The following IGBP1 variants were observed in gnomAD, a reference collection of about 807,000 sequenced individuals.
IGBP1 encodes the protein immunoglobulin binding protein 1.
In IGBP1, 2 loss-of-function variants were observed where a neutral mutation model predicts 25.9. That is an observed-to-expected ratio of 0.08 (90% CI 0.03 to 0.24). The LOEUF is 0.24. Ranked by LOEUF, IGBP1 falls within the 10% of genes least tolerant of loss-of-function variation. The probability of loss-of-function intolerance (pLI) is 1.00; values close to 1 mark genes in which losing one functional copy is unlikely to be tolerated. For synonymous variants in IGBP1, 96 were observed against 93.4 expected (o/e 1.03, Z -0.16); for missense variants, 187 against 260.4 (o/e 0.72, Z 1.94).
intron 3 of IGBP1, 49 bp downstream of exon 3, chrX:70,134,865 AG>A: frequency 8.9e-7 from 1 of 1,126,706 alleles, no homozygotes; most frequent in South Asian, 1.8e-5. Flanking sequence ...GGTGCTTTTC[AG>A]GGGCATGCTT....
intron 3 of IGBP1, among the ~76,000 whole-genome samples, chrX:70,139,311 CAAAA>C (rs775830617): frequency 5.1e-5 from 2 of 39,433 alleles, no homozygotes; most frequent in African/African-American, 2.0e-4. Context: ...GACTCCGTCT[CAAAA>C]AAAAAAAAAA....
At chrX:70,135,587 G>C (rs1380579193) in intron 3 of IGBP1, among the ~76,000 whole-genome samples, 1 of 111,919 alleles carries the variant, frequency 8.9e-6, no homozygotes, top group Non-Finnish European at 1.9e-5. Flanking sequence ...AGTTCTTTAA[G>C]GGTAAATAGG....
intron 6 of IGBP1, among the ~76,000 whole-genome samples, chrX:70,160,249 G>GA (rs764870804): frequency 7.1e-4 from 79 of 111,075 alleles, no homozygotes; most frequent in African/African-American, 2.3e-3. Flanking sequence ...CACTTGATAG[G>GA]AAAAATCACA....
At chrX:70,134,869 G>A in intron 3 of IGBP1, 53 bp downstream of exon 3, 1 of 1,118,995 alleles carries the variant, frequency 8.9e-7, no homozygotes, top group Non-Finnish European at 1.2e-6. Flanking sequence ...CTTTTCAGGG[G>A]CATGCTTTCT....
chrX:70,162,888 C>T (rs1172912897), intron 6 of IGBP1, among the ~76,000 whole-genome samples: 1 of 110,824 alleles, frequency 9.0e-6, no homozygotes, highest in African/African-American at 3.3e-5. Flanking sequence ...ACAGGAGAAT[C>T]GCTTGAGCCC....
At chrX:70,143,728 G>A (rs1470504393) in intron 3 of IGBP1, among the ~76,000 whole-genome samples, 1 of 108,402 alleles carries the variant, frequency 9.2e-6, no homozygotes, top group Non-Finnish European at 1.9e-5. Flanking sequence ...AATGCCTGGG[G>A]GTTGGGGGGG....
intron 6 of IGBP1, among the ~76,000 whole-genome samples, chrX:70,157,267 T>TGGGGG (rs1380946769): frequency 5.9e-5 from 1 of 16,880 alleles, no homozygotes; most frequent in African/African-American, 2.6e-4. Context: ...TTAACAAGGG[T>TGGGGG]GGGGGTGGGG....
At chrX:70,142,647 C>T (rs1327410374) in intron 3 of IGBP1, among the ~76,000 whole-genome samples, 1 of 109,166 alleles carries the variant, frequency 9.2e-6, no homozygotes, top group Non-Finnish European at 1.9e-5. Context: ...GTGAGACCCC[C>T]GTCTCTACAA....
intron 4 of IGBP1, among the ~76,000 whole-genome samples, chrX:70,148,428 T>G (rs1013060938): frequency 8.9e-6 from 1 of 112,175 alleles, no homozygotes; most frequent in Non-Finnish European, 1.9e-5. Context: ...GGCTTCAAGT[T>G]CAGCTCAAGG....
chrX:70,165,620 C>G (rs1341777980), intron 6 of IGBP1, among the ~76,000 whole-genome samples: 1 of 110,106 alleles, frequency 9.1e-6, no homozygotes, highest in Non-Finnish European at 1.9e-5. Flanking sequence ...CTTGTGGAAA[C>G]CACTTAGAGC....
chrX:70,143,549 A>T (rs1213059227), intron 3 of IGBP1, among the ~76,000 whole-genome samples: 2 of 112,125 alleles, frequency 1.8e-5, no homozygotes, highest in African/African-American at 6.5e-5. Context: ...TTGGGAACAG[A>T]GAAAGGAAAT....
At chrX:70,137,497 A>C (rs2085101964) in intron 3 of IGBP1, among the ~76,000 whole-genome samples, 1 of 110,731 alleles carries the variant, frequency 9.0e-6, no homozygotes, top group African/African-American at 3.3e-5. Context: ...GTGTTAGAGA[A>C]CCAGATGAAG....
chrX:70,148,296 G>T (rs906679539), intron 4 of IGBP1, among the ~76,000 whole-genome samples: 20 of 111,527 alleles, frequency 1.8e-4, no homozygotes, highest in African/African-American at 5.9e-4. Context: ...TTTCCTTTGG[G>T]AACATTGACT....
At chrX:70,163,550 A>T (rs2085281615) in intron 6 of IGBP1, among the ~76,000 whole-genome samples, 1 of 112,049 alleles carries the variant, frequency 8.9e-6, no homozygotes, top group Non-Finnish European at 1.9e-5. Flanking sequence ...AAAAGTTAAA[A>T]TTAAGGGTAT....
chrX:70,142,883 A>G (rs973772319), intron 3 of IGBP1, among the ~76,000 whole-genome samples: 7 of 108,881 alleles, frequency 6.4e-5, no homozygotes, highest in Non-Finnish European at 1.3e-4. Flanking sequence ...CTTAAAGACA[A>G]CAGTAAAAGA....
chrX:70,141,107 A>G (rs760180330), intron 3 of IGBP1, among the ~76,000 whole-genome samples: 125 of 110,966 alleles, frequency 1.1e-3, no homozygotes, highest in Non-Finnish European at 1.7e-3. Flanking sequence ...GCACTTTGGG[A>G]GACTGAGGTG....
intron 3 of IGBP1, among the ~76,000 whole-genome samples, chrX:70,137,715 A>G (rs1003962375): frequency 3.1e-5 from 3 of 95,676 alleles, no homozygotes; most frequent in African/African-American, 1.1e-4. Flanking sequence ...GATAATAGGT[A>G]GTTTAAACAG....
chrX:70,137,751 CAAAAAAAAAA>C (rs752550128), intron 3 of IGBP1, among the ~76,000 whole-genome samples: 8 of 21,735 alleles, frequency 3.7e-4, no homozygotes, highest in Non-Finnish European at 7.5e-4. Flanking sequence ...AATAATTATA[CAAAAAAAAAA>C]AAAAAAAAAA....
At chrX:70,165,687 C>T in intron 6 of IGBP1, 146 bp from the exon 7 acceptor site, 3 of 524,581 alleles carry the variant, frequency 5.7e-6, no homozygotes, top group South Asian at 2.7e-5. Flanking sequence ...GTTCTCTCCC[C>T]GCTTCCGCCG....
Sources: allele counts gnomAD v4.1 joint callset (sites outside exome capture counted in the v4.1 genomes callset), GRCh38; gene constraint gnomAD v4.1.1; transcripts MANE v1.5; gene names NCBI Gene and HGNC (gene_info 2026-07-23, HGNC 2026-07-21).